NRXN3: variants seen among roughly 807,000 people sequenced by gnomAD.
NRXN3 encodes the protein neurexin III.
In NRXN3, 32 loss-of-function variants were observed where a neutral mutation model predicts 137.6. That is an observed-to-expected ratio of 0.23 (90% CI 0.18 to 0.31). The LOEUF (loss-of-function observed/expected upper bound fraction) is 0.31. Among genes scored for constraint, NRXN3 ranks in the 10% least tolerant of loss-of-function variants. The pLI is 1.00. For synonymous variants in NRXN3, 798 were observed against 784.5 expected, an observed-to-expected ratio of 1.02 and a Z score of -0.29; for missense variants, 1,574 against 2,062.5, an observed-to-expected ratio of 0.76 and a Z score of 4.59.
chr14:79,322,267 G>C (rs1386656205), intron 15 of NRXN3, among the ~76,000 whole-genome samples: 1 of 152,094 alleles, frequency 6.6e-6, no homozygotes, highest in Non-Finnish European at 1.5e-5. Context: ...GGCTTTGGTA[G>C]CATTTTGATT....
intron 15 of NRXN3, among the ~76,000 whole-genome samples, chr14:79,342,783 A>G (rs2092677572): frequency 6.6e-6 from 1 of 152,118 alleles, no homozygotes; most frequent in East Asian, 1.9e-4. Context: ...GTAACCGCCC[A>G]ATGGGTTCAC....
rs562323767 is a variant in NRXN3 at position 79,112,827 on chromosome 14, T to G, written c.3262+124686T>G. Among the ~76,000 whole-genome samples, 7 of 152,324 alleles carry G rather than the reference T, an allele frequency of 4.6e-5. 1 individual carries two copies. The highest frequency in any genetic ancestry group is 1.7e-4 in the African/African-American group (7 of 41,564). ...GTGGTAGAGTTACAAGTAAATTTTT[T>G]GATGTGAAGTGTCATAGAATTTACA... On this transcript the variant is annotated intron_variant, in intron 15 of 20. Transcript: ENST00000335750.
chr14:79,160,204 C>A (rs1321503710), intron 15 of NRXN3, among the ~76,000 whole-genome samples: 2 of 151,884 alleles, frequency 1.3e-5, no homozygotes, highest in African/African-American at 2.4e-5. Flanking sequence ...AAGCCCAGAA[C>A]TTTAACATAA....
At chr14:78,659,310 A>G in intron 6 of NRXN3, among the ~76,000 whole-genome samples, 1 of 152,128 alleles carries the variant, frequency 6.6e-6, no homozygotes, top group Admixed American at 6.6e-5. Context: ...GGTAAAGTCA[A>G]CCAGTCTGTG....
At chr14:78,679,769 A>G (rs2098053712) in intron 6 of NRXN3, among the ~76,000 whole-genome samples, 1 of 152,164 alleles carries the variant, frequency 6.6e-6, no homozygotes, top group African/African-American at 2.4e-5. Context: ...TGATTAATTT[A>G]TCAAATAACC....
At chr14:79,473,108 C>T (rs2153626527) in intron 16 of NRXN3, among the ~76,000 whole-genome samples, 2 of 152,108 alleles carry the variant, frequency 1.3e-5, no homozygotes, top group Admixed American at 1.3e-4. Flanking sequence ...CCAACTATTT[C>T]CTTCCTGACT....
chr14:78,629,475 G>A (rs989485592), intron 4 of NRXN3, among the ~76,000 whole-genome samples: 2 of 152,156 alleles, frequency 1.3e-5, no homozygotes, highest in African/African-American at 4.8e-5. Context: ...AGCAGCACTC[G>A]GGAATGCAAG....
At chr14:79,026,876 C>A (rs1332190589) in intron 15 of NRXN3, among the ~76,000 whole-genome samples, 1 of 148,268 alleles carries the variant, frequency 6.7e-6, no homozygotes, top group Non-Finnish European at 1.5e-5. Flanking sequence ...GCAAGATCTG[C>A]AAAAGAGGCA....
intron 16 of NRXN3, among the ~76,000 whole-genome samples, chr14:79,531,653 A>T (rs368026288): frequency 1.2e-3 from 178 of 152,330 alleles, no homozygotes; most frequent in African/African-American, 2.7e-3. Context: ...GTGTATGTCT[A>T]GGTCATGATC....
At chr14:79,814,066 G>A (rs2099244147) in intron 20 of NRXN3, among the ~76,000 whole-genome samples, 2 of 152,224 alleles carry the variant, frequency 1.3e-5, no homozygotes, top group African/African-American at 2.4e-5. Flanking sequence ...TTTCATCCAA[G>A]TGACACATCT....
chr14:79,137,767 CAT>C (rs2058391942), intron 15 of NRXN3, among the ~76,000 whole-genome samples: 1 of 152,084 alleles, frequency 6.6e-6, no homozygotes, highest in African/African-American at 2.4e-5. Flanking sequence ...TATTTAAAAT[CAT>C]ATTTTTTCTT....
intron 19 of NRXN3, among the ~76,000 whole-genome samples, chr14:79,783,014 C>A (rs1484724982): frequency 1.3e-5 from 2 of 152,194 alleles, no homozygotes; most frequent in Non-Finnish European, 2.9e-5. Flanking sequence ...GGACATTTAT[C>A]TTCTCAGGTA....
chr14:78,472,710 A>T (rs1232156020), intron 4 of NRXN3, among the ~76,000 whole-genome samples: 1 of 152,126 alleles, frequency 6.6e-6, no homozygotes, highest in Non-Finnish European at 1.5e-5. Context: ...ACAAATGGCC[A>T]CACTGTCCTC....
chr14:78,585,139 AG>A (rs35902147), intron 4 of NRXN3, among the ~76,000 whole-genome samples: 18,469 of 117,202 alleles, frequency 0.16, 1,306 homozygotes, highest in African/African-American at 0.24. Flanking sequence ...AGGGGAGATA[AG>A]GGGGGGGGGT....
chr14:79,030,339 T>C (rs1392836990), intron 15 of NRXN3, among the ~76,000 whole-genome samples: 1 of 151,948 alleles, frequency 6.6e-6, no homozygotes, highest in East Asian at 1.9e-4. Flanking sequence ...TTCTTCAGGA[T>C]AGACTGTTGT....
intron 4 of NRXN3, among the ~76,000 whole-genome samples, chr14:78,563,145 A>G (rs1314182755): frequency 1.3e-5 from 2 of 152,230 alleles, no homozygotes; most frequent in African/African-American, 4.8e-5. Context: ...GGCTATCTGA[A>G]GAAAAACTAT....
At chr14:79,285,382 G>C (rs571852267) in intron 15 of NRXN3, among the ~76,000 whole-genome samples, 30 of 152,346 alleles carry the variant, frequency 2.0e-4, no homozygotes, top group African/African-American at 7.2e-4. Context: ...GCAAATCTCT[G>C]AAGATAAATC....
At chr14:79,523,161 T>C (rs1387847747) in intron 16 of NRXN3, among the ~76,000 whole-genome samples, 3 of 152,178 alleles carry the variant, frequency 2.0e-5, no homozygotes, top group Non-Finnish European at 1.5e-5. Context: ...ACTTTGAAAT[T>C]AAGAGATTTT....
chr14:78,491,544 T>C (rs2095668583), intron 4 of NRXN3, among the ~76,000 whole-genome samples: 2 of 152,326 alleles, frequency 1.3e-5, no homozygotes, highest in South Asian at 4.1e-4. Context: ...CATTCTGTCA[T>C]TGTCAGAATA....
Sources: allele counts gnomAD v4.1 joint callset (sites outside exome capture counted in the v4.1 genomes callset), GRCh38; gene constraint gnomAD v4.1.1; transcripts MANE v1.5; gene names NCBI Gene and HGNC (gene_info 2026-07-23, HGNC 2026-07-21).